The following IL1RAPL1 variants were observed in gnomAD, a reference collection of about 807,000 sequenced individuals.
The protein encoded by IL1RAPL1 is interleukin 1 receptor accessory protein like 1.
IL1RAPL1 carries 3 observed loss-of-function variants against 48.4 expected under a neutral mutation model. That is an observed-to-expected ratio of 0.06 (90% CI 0.03 to 0.16). IL1RAPL1 has a LOEUF of 0.16. IL1RAPL1 is among the 10% of genes least tolerant of loss of function. IL1RAPL1 has a pLI of 1.00. For synonymous variants in IL1RAPL1, 185 were observed against 187.7 expected (o/e 0.99, Z 0.12); for missense variants, 349 against 530.6 (o/e 0.66, Z 3.36).
intron 5 of IL1RAPL1, among the ~76,000 whole-genome samples, chrX:29,596,053 T>C (rs1197601709): frequency 8.9e-6 from 1 of 111,848 alleles, no homozygotes; most frequent in African/African-American, 3.3e-5. Context: ...TATTTGGGTG[T>C]GTTTCTGGGT....
intron 6 of IL1RAPL1, among the ~76,000 whole-genome samples, chrX:29,802,368 T>C (rs774038488): frequency 9.0e-6 from 1 of 111,233 alleles, no homozygotes; most frequent in South Asian, 3.7e-4. Flanking sequence ...CCAGTGCTTC[T>C]CAAATTATCT....
intron 6 of IL1RAPL1, among the ~76,000 whole-genome samples, chrX:29,738,861 T>G (rs1928125380): frequency 8.9e-6 from 1 of 112,250 alleles, no homozygotes; most frequent in African/African-American, 3.2e-5. Flanking sequence ...AAAAACAAAT[T>G]ATTTTTCCTG....
chrX:29,475,087 G>A (rs909522202), intron 5 of IL1RAPL1, among the ~76,000 whole-genome samples: 3 of 112,282 alleles, frequency 2.7e-5, no homozygotes, highest in African/African-American at 6.5e-5. Context: ...TATTTGTTAC[G>A]TGAATATTCA....
At chrX:29,654,415 A>T (rs1261229470) in intron 5 of IL1RAPL1, among the ~76,000 whole-genome samples, 1 of 112,340 alleles carries the variant, frequency 8.9e-6, no homozygotes, top group Non-Finnish European at 1.9e-5. Flanking sequence ...AAAGAAAAAG[A>T]GATTTAATGG....
At chrX:28,741,222 T>C (rs1467410376) in intron 1 of IL1RAPL1, among the ~76,000 whole-genome samples, 1 of 112,014 alleles carries the variant, frequency 8.9e-6, no homozygotes, top group Non-Finnish European at 1.9e-5. Flanking sequence ...TACTTTTTGG[T>C]AATAGTCATT....
At chrX:28,693,664 G>A (rs143640626) in intron 1 of IL1RAPL1, among the ~76,000 whole-genome samples, 1,680 of 111,938 alleles carry the variant, frequency 0.015, 11 homozygotes, top group Non-Finnish European at 0.022. Flanking sequence ...CTACTGAATT[G>A]AGTTCAAGTG....
At chrX:29,501,587 A>G (rs1935274280) in intron 5 of IL1RAPL1, among the ~76,000 whole-genome samples, 1 of 110,538 alleles carries the variant, frequency 9.0e-6, no homozygotes, top group Admixed American at 9.6e-5. Flanking sequence ...TCCCCATTGG[A>G]TGTTCTTGTT....
chrX:29,311,023 G>A (rs1164034043), intron 3 of IL1RAPL1, among the ~76,000 whole-genome samples: 2 of 111,755 alleles, frequency 1.8e-5, no homozygotes, highest in African/African-American at 3.2e-5. Context: ...TTAAAATGAA[G>A]TATGGCAAAT....
intron 5 of IL1RAPL1, among the ~76,000 whole-genome samples, chrX:29,458,247 T>C (rs1184229254): frequency 8.9e-6 from 1 of 112,760 alleles, no homozygotes; most frequent in East Asian, 2.8e-4. Flanking sequence ...GCTGATAGTT[T>C]CTTCTGCTGT....
chrX:28,628,970 C>T (rs763183499), intron 1 of IL1RAPL1, among the ~76,000 whole-genome samples: 5 of 111,462 alleles, frequency 4.5e-5, no homozygotes, highest in South Asian at 3.7e-4. Context: ...CTTTGCTAGC[C>T]GATTCCATTT....
At chrX:29,872,054 T>C (rs1212531444) in intron 6 of IL1RAPL1, among the ~76,000 whole-genome samples, 1 of 111,704 alleles carries the variant, frequency 9.0e-6, no homozygotes, top group East Asian at 2.8e-4. Flanking sequence ...AGTTATAAAA[T>C]TTTACATTTT....
At chrX:29,036,561 A>G (rs1926737230) in intron 2 of IL1RAPL1, among the ~76,000 whole-genome samples, 1 of 111,827 alleles carries the variant, frequency 8.9e-6, no homozygotes, top group African/African-American at 3.2e-5. Context: ...CAAGGTTGGG[A>G]AGTTCTTTTA....
intron 6 of IL1RAPL1, among the ~76,000 whole-genome samples, chrX:29,801,961 T>C (rs1380372370): frequency 2.7e-5 from 3 of 112,366 alleles, no homozygotes; most frequent in African/African-American, 9.8e-5. Flanking sequence ...GGAAATATAA[T>C]TCTATTATTG....
chrX:29,088,543 G>T (rs1426227131), intron 2 of IL1RAPL1, among the ~76,000 whole-genome samples: 1 of 108,591 alleles, frequency 9.2e-6, no homozygotes, highest in African/African-American at 3.4e-5. Context: ...GGGCATGGTG[G>T]TATGTGCCTG....
chrX:29,945,434 AT>A (rs1286239694), intron 9 of IL1RAPL1, among the ~76,000 whole-genome samples: 1 of 111,195 alleles, frequency 9.0e-6, no homozygotes, highest in Non-Finnish European at 1.9e-5. Context: ...TGGCTATCAT[AT>A]TTACCTTCCC....
intron 6 of IL1RAPL1, among the ~76,000 whole-genome samples, chrX:29,758,703 A>AT (rs1223366915): frequency 7.3e-4 from 77 of 106,122 alleles, no homozygotes; most frequent in Middle Eastern, 5.4e-3. Flanking sequence ...CTCAAAAAAA[A>AT]AAAAATAATA....
At chrX:28,886,876 A>G (rs1922644797) in intron 2 of IL1RAPL1, among the ~76,000 whole-genome samples, 1 of 111,547 alleles carries the variant, frequency 9.0e-6, no homozygotes, top group Admixed American at 9.6e-5. Flanking sequence ...CGTGCATGAA[A>G]AAATCAAAAC....
chrX:29,239,672 G>T (rs1288410102), intron 2 of IL1RAPL1, among the ~76,000 whole-genome samples: 2 of 111,058 alleles, frequency 1.8e-5, no homozygotes, highest in Non-Finnish European at 3.8e-5. Context: ...TTTGAATGAG[G>T]CTCAACACAA....
chrX:29,551,721 A>G (rs1290261353), intron 5 of IL1RAPL1, among the ~76,000 whole-genome samples: 1 of 111,156 alleles, frequency 9.0e-6, no homozygotes, highest in Non-Finnish European at 1.9e-5. Context: ...CCGGTACCCC[A>G]CAATATGGCA....
Sources: allele counts gnomAD v4.1 joint callset (sites outside exome capture counted in the v4.1 genomes callset), GRCh38; gene constraint gnomAD v4.1.1; transcripts MANE v1.5; gene names NCBI Gene and HGNC (gene_info 2026-07-23, HGNC 2026-07-21).